The following CTNNA3 variants were observed in gnomAD, a reference collection of about 807,000 sequenced individuals.
CTNNA3 encodes catenin alpha 3.
In CTNNA3, 76 loss-of-function variants were observed where a neutral mutation model predicts 95.7. That is an observed-to-expected ratio of 0.79 (90% CI 0.66 to 0.96). CTNNA3 has a LOEUF of 0.96. Among genes scored for constraint, CTNNA3 ranks in the 40% least tolerant of loss-of-function variants. The pLI is 0.00. For missense variants in CTNNA3, 1,191 were observed against 1,089.8 expected (o/e 1.09, Z -1.31); for synonymous variants, 431 against 374.4 (o/e 1.15, Z -1.74).
chr10:67,039,193 A>C (rs936613014), intron 7 of CTNNA3, among the ~76,000 whole-genome samples: 9 of 152,254 alleles, frequency 5.9e-5, no homozygotes, highest in African/African-American at 1.9e-4. Context: ...CCAAAATTAC[A>C]ACTTCACAAA....
intron 15 of CTNNA3, among the ~76,000 whole-genome samples, chr10:66,003,513 A>G (rs1368099460): frequency 6.6e-6 from 1 of 152,136 alleles, no homozygotes; most frequent in African/African-American, 2.4e-5. Context: ...TCATAGAAGA[A>G]TTTCATGGAG....
intron 10 of CTNNA3, among the ~76,000 whole-genome samples, chr10:66,536,515 T>C (rs1589390367): frequency 6.7e-6 from 1 of 148,254 alleles, no homozygotes; most frequent in African/African-American, 2.5e-5. Context: ...CCAGTATTCA[T>C]GAATGTAGAC....
At chr10:66,496,611 C>T (rs949068787) in intron 11 of CTNNA3, among the ~76,000 whole-genome samples, 5 of 152,232 alleles carry the variant, frequency 3.3e-5, no homozygotes, top group Admixed American at 2.6e-4. Context: ...AGCATGGTTG[C>T]TATTTATTTA....
chr10:67,580,172 G>A (rs1564756867), intron 3 of CTNNA3, among the ~76,000 whole-genome samples: 1 of 152,090 alleles, frequency 6.6e-6, no homozygotes, highest in South Asian at 2.1e-4. Context: ...TTCTTCTAGG[G>A]CTCTTATGGT....
At chr10:67,158,878 C>A (rs1265195812) in intron 7 of CTNNA3, among the ~76,000 whole-genome samples, 1 of 151,178 alleles carries the variant, frequency 6.6e-6, no homozygotes, top group African/African-American at 2.4e-5. Flanking sequence ...AGAACTCCTA[C>A]TAATAAAAAA....
At chr10:66,353,394 C>G (rs1219597875) in intron 12 of CTNNA3, among the ~76,000 whole-genome samples, 4 of 152,068 alleles carry the variant, frequency 2.6e-5, no homozygotes, top group Non-Finnish European at 4.4e-5. Context: ...GTTTGTACAT[C>G]TTTCTTAGCC....
At chr10:65,939,035 T>G (rs1346020076) in intron 17 of CTNNA3, among the ~76,000 whole-genome samples, 1 of 152,058 alleles carries the variant, frequency 6.6e-6, no homozygotes, top group Non-Finnish European at 1.5e-5. Flanking sequence ...CCCAAGTAGC[T>G]GGGACTACAG....
chr10:66,705,126 T>G (rs1211040420), intron 9 of CTNNA3, among the ~76,000 whole-genome samples: 1 of 152,140 alleles, frequency 6.6e-6, no homozygotes, highest in Admixed American at 6.6e-5. Flanking sequence ...GGGATAATCA[T>G]ATGGTTTTCT....
intron 11 of CTNNA3, among the ~76,000 whole-genome samples, chr10:66,395,324 T>C (rs1412511020): frequency 2.6e-5 from 4 of 151,972 alleles, no homozygotes; most frequent in African/African-American, 9.7e-5. Context: ...AAGGAAACCA[T>C]AACTAAAAAC....
At chr10:67,128,130 T>A (rs1859811908) in intron 7 of CTNNA3, among the ~76,000 whole-genome samples, 2 of 152,142 alleles carry the variant, frequency 1.3e-5, no homozygotes, top group Non-Finnish European at 2.9e-5. Context: ...AACCTTGTGA[T>A]GGTTAATTTT....
At chr10:67,120,645 C>T (rs1179707661) in intron 7 of CTNNA3, among the ~76,000 whole-genome samples, 1 of 151,980 alleles carries the variant, frequency 6.6e-6, no homozygotes, top group African/African-American at 2.4e-5. Context: ...TCCTGCATGA[C>T]AAGGAGAGTT....
intron 1 of CTNNA3, among the ~76,000 whole-genome samples, chr10:67,758,289 TACACAC>T (rs760301884): frequency 1.4e-5 from 2 of 139,898 alleles, no homozygotes; most frequent in Admixed American, 7.9e-5. Flanking sequence ...TATATGTATA[TACACAC>T]ACACACACAC....
rs966160352 is a variant in CTNNA3 at position 67,013,682 on chromosome 10, T to C, written c.1047+166635A>G. ...CAGTTAAATCTGAGGAATAATTAAT[T>C]TGAAGGAAGGTAATAGGCAGGTAAA... On this transcript the variant is annotated intron_variant, in intron 7 of 17. Transcript: ENST00000433211. Among the ~76,000 whole-genome samples the C allele has an allele frequency of 6.6e-5, 10 of 152,254 alleles. No homozygotes were observed. In the East Asian group the frequency reaches 1.7e-3, roughly 26 times the overall value.
chr10:66,672,566 A>C lies in CTNNA3; in HGVS notation c.1282-50782T>G, dbSNP rs557263023. 4.6e-5 allele frequency among the ~76,000 whole-genome samples: 7 copies of C among 152,258 alleles called. No individual in the cohort carries two copies. In the South Asian group the frequency reaches 1.0e-3, roughly 23 times the overall value. ...AGACTTTTTTACGACATTGTCACTC[A>C]CAGTTTTATTAAAACAGACACTCAA... On this transcript the variant is annotated intron_variant, in intron 9 of 17. Transcript: ENST00000433211.
intron 9 of CTNNA3, among the ~76,000 whole-genome samples, chr10:66,657,154 C>T (rs1846098722): frequency 6.6e-6 from 1 of 152,058 alleles, no homozygotes; most frequent in African/African-American, 2.4e-5. Flanking sequence ...TCTACTTGGA[C>T]CTGATGCTAA....
chr10:66,014,114 T>A (rs944693653), intron 15 of CTNNA3, among the ~76,000 whole-genome samples: 3 of 152,086 alleles, frequency 2.0e-5, no homozygotes, highest in Non-Finnish European at 4.4e-5. Flanking sequence ...ATAATTTTTT[T>A]TTTTTATTTT....
At chr10:67,121,061 C>T (rs925426587) in intron 7 of CTNNA3, among the ~76,000 whole-genome samples, 1 of 151,960 alleles carries the variant, frequency 6.6e-6, no homozygotes. Context: ...AGCAAGATTC[C>T]AAAACCTTTA....
At chr10:66,508,147 A>C (rs1481180720) in intron 11 of CTNNA3, among the ~76,000 whole-genome samples, 1 of 150,578 alleles carries the variant, frequency 6.6e-6, no homozygotes, top group East Asian at 1.9e-4. Flanking sequence ...ATCTTTGTCC[A>C]ATTAAGAGTG....
intron 15 of CTNNA3, among the ~76,000 whole-genome samples, chr10:66,022,646 C>T (rs1033215814): frequency 6.6e-6 from 1 of 150,708 alleles, no homozygotes; most frequent in Non-Finnish European, 1.5e-5. Context: ...CACACACACA[C>T]CAAAAGCAAC....
Sources: gnomAD v4.1 joint callset for allele counts (sites outside exome capture counted in the v4.1 genomes callset) on GRCh38, gnomAD v4.1.1 for gene constraint, MANE v1.5 for transcripts, NCBI Gene and HGNC (gene_info 2026-07-23, HGNC 2026-07-21) for gene names.